Variants in MZT1 observed in about 807,000 individuals in gnomAD.
MZT1 encodes mitotic-spindle organizing protein 1.
Under a neutral mutation model 8.5 loss-of-function variants are expected in MZT1, and 8 were observed. The ratio of observed to expected loss-of-function variants is 0.94; its 90% CI spans 0.55 to 1.70. The LOEUF is 1.70. Ranked by LOEUF, MZT1 falls within the 40% of genes most tolerant of loss-of-function variation. The probability of loss-of-function intolerance (pLI) is 0.00; values close to 1 mark genes in which losing one functional copy is unlikely to be tolerated. For missense variants in MZT1, 93 were observed against 108.6 expected (o/e 0.86, Z 0.64); for synonymous variants, 38 against 42.0 (o/e 0.90, Z 0.37).
intron 2 of MZT1, among the ~76,000 whole-genome samples, chr13:72,712,715 TATTTTGCCTAA>T (rs1184778655): frequency 6.6e-6 from 1 of 152,244 alleles, no homozygotes; most frequent in East Asian, 1.9e-4. Flanking sequence ...TCGTAGCTTA[TATTTTGCCTAA>T]GAAAATGCTA....
chr13:72,726,500 T>G (rs930545822), intron 1 of MZT1, among the ~76,000 whole-genome samples: 7 of 152,106 alleles, frequency 4.6e-5, no homozygotes, highest in African/African-American at 1.7e-4. Flanking sequence ...TAGGGTTATC[T>G]TTTAACAGAG....
intron 2 of MZT1, among the ~76,000 whole-genome samples, chr13:72,711,556 AC>A (rs1479557565): frequency 1.3e-5 from 2 of 152,204 alleles, no homozygotes; most frequent in East Asian, 3.8e-4. Context: ...ATTTCAAGAT[AC>A]CCTTGATTTG....
At chr13:72,726,756 A>C (rs982615450) in intron 1 of MZT1, among the ~76,000 whole-genome samples, 2 of 151,394 alleles carry the variant, frequency 1.3e-5, no homozygotes, top group African/African-American at 4.8e-5. Context: ...AAAAAAAAAA[A>C]AAAAAACTAA....
chr13:72,726,963 C>A (rs1005490753), intron 1 of MZT1, among the ~76,000 whole-genome samples: 7 of 152,142 alleles, frequency 4.6e-5, no homozygotes, highest in African/African-American at 1.4e-4. Context: ...ACTGGTGTCA[C>A]CCGCTTCAAG....
chr13:72,713,170 A>G (rs998023680), intron 2 of MZT1, among the ~76,000 whole-genome samples: 5 of 152,210 alleles, frequency 3.3e-5, no homozygotes, highest in Non-Finnish European at 7.3e-5. Context: ...TCTCAGGTCA[A>G]TCACTAACTG....
In MZT1 at chr13:72,710,297, A is replaced by G. The variant is rs1274517289; in HGVS notation, c.*25T>C. 1 of 1,612,106 alleles carries G rather than the reference A, an allele frequency of 6.2e-7. No individual in the cohort carries two copies. Among genetic ancestry groups the G allele is most frequent in the South Asian group, 1.1e-5 (1 of 91,012 alleles). ...CAAACCCTCTTGCAGAGCTTGACATATCTCATCAGAATTTCTCCAGAAAGT... is the reference window on the plus strand; with the variant it reads ...CAAACCCTCTTGCAGAGCTTGACATGTCTCATCAGAATTTCTCCAGAAAGT... On this transcript the variant is annotated 3_prime_UTR_variant, in exon 3 of 3. Transcript: ENST00000377818.
rs1235528206 is a variant in MZT1, at chr13:72,708,448, A to G, written c.*1874T>C. 1 of 152,600 alleles carries G rather than the reference A, an allele frequency of 6.6e-6. No homozygotes were observed. The highest frequency in any genetic ancestry group is 1.5e-5 in the Non-Finnish European group (1 of 68,026). 9.5% of individuals were successfully genotyped at this position (152,600 alleles called of 1,614,324 possible). A position where few individuals can be genotyped will look rare whatever the true frequency, so the allele number is the denominator to read the frequency against. ...ATCATTATTTTGTTTAGTTTCTTAAATATTACTTAAGTATGCATTAAAAAT... is the reference window on the plus strand; with the variant it reads ...ATCATTATTTTGTTTAGTTTCTTAAGTATTACTTAAGTATGCATTAAAAAT... On this transcript the variant is annotated 3_prime_UTR_variant, in exon 3 of 3. Coordinates refer to ENST00000377818, the MANE Select transcript of MZT1 (RefSeq NM_001071775.3).
rs1268120355 is a variant in MZT1, at chr13:72,710,180, C to T, written c.*142G>A. 1.2e-5 allele frequency: 9 copies of T among 729,234 alleles called. No homozygotes were observed. The East Asian group carries it at 2.4e-4, about 19-fold the overall frequency. 45.2% of individuals were successfully genotyped at this position (729,234 alleles called of 1,614,324 possible). On this transcript the variant is annotated 3_prime_UTR_variant, in exon 3 of 3. Coordinates refer to ENST00000377818, the MANE Select transcript of MZT1 (RefSeq NM_001071775.3). The stretch of plus-strand genomic sequence containing the variant: ...AGCCACTTTCCACTGATTTATAAAG[C>T]TATGGTTTTATAATTCTTTTAAAAA...
intron 1 of MZT1, among the ~76,000 whole-genome samples, chr13:72,724,241 C>A (rs73520421): frequency 0.02 from 3,099 of 152,112 alleles, 109 homozygotes; most frequent in African/African-American, 0.07. Flanking sequence ...GACTTTTTGG[C>A]TGAGTATCAA....
At chr13:72,716,365 T>A (rs1406009982) in intron 2 of MZT1, among the ~76,000 whole-genome samples, 1 of 152,116 alleles carries the variant, frequency 6.6e-6, no homozygotes, top group Non-Finnish European at 1.5e-5. Flanking sequence ...CAGTGATGGT[T>A]GCATGGATAT....
intron 2 of MZT1, among the ~76,000 whole-genome samples, chr13:72,713,973 T>C (rs1429074144): frequency 2.6e-5 from 4 of 152,212 alleles, no homozygotes; most frequent in African/African-American, 9.6e-5. Context: ...CTTTCTGCCA[T>C]ATGAAAGCCA....
At chr13:72,723,360 C>T (rs769921906) in intron 1 of MZT1, among the ~76,000 whole-genome samples, 1 of 152,166 alleles carries the variant, frequency 6.6e-6, no homozygotes, top group Non-Finnish European at 1.5e-5. Context: ...ATGATCAGTA[C>T]AGGTTGAACA....
intron 2 of MZT1, among the ~76,000 whole-genome samples, chr13:72,712,252 A>C (rs1263914019): frequency 2.6e-5 from 4 of 152,160 alleles, no homozygotes; most frequent in Non-Finnish European, 5.9e-5. Context: ...GCAGCCTCAA[A>C]TGCCTGAGCT....
At chr13:72,712,650 C>A (rs553116389) in intron 2 of MZT1, among the ~76,000 whole-genome samples, 3 of 152,288 alleles carry the variant, frequency 2.0e-5, no homozygotes, top group East Asian at 1.9e-4. Flanking sequence ...AACTAGTATG[C>A]TAAAAGCTGA....
chr13:72,724,765 C>T (rs1486949349), intron 1 of MZT1, among the ~76,000 whole-genome samples: 1 of 86,732 alleles, frequency 1.2e-5, no homozygotes, highest in Non-Finnish European at 2.5e-5. Context: ...TAAAGTGGTG[C>T]TACAGGCCGG....
intron 1 of MZT1, 138 bp downstream of exon 1, chr13:72,727,386 G>A (rs1246508967): frequency 2.3e-6 from 2 of 852,474 alleles, no homozygotes; most frequent in East Asian, 2.5e-5. Flanking sequence ...TGCGGCCCTG[G>A]CAGGTCCCTA....
chr13:72,726,132 C>T (rs139662318), intron 1 of MZT1, among the ~76,000 whole-genome samples: 1 of 151,080 alleles, frequency 6.6e-6, no homozygotes, highest in Non-Finnish European at 1.5e-5. Flanking sequence ...TCTGCAAGTG[C>T]TACATAAGAA....
rs781450978 is a variant in MZT1 at position 72,710,362 on chromosome 13, A to T, written c.226-17T>A. On this transcript the variant is annotated splice_polypyrimidine_tract_variant and intron_variant, in intron 2 of 2. Coordinates refer to ENST00000377818, the MANE Select transcript of MZT1 (RefSeq NM_001071775.3). ...TTCAGCAGCCTAGAACAAGAAAGTA[A>T]GATTCATTACAATAAAACCATGGAA... is the stretch of plus-strand genomic sequence containing the variant. The T allele has an allele frequency of 8.1e-6, 13 of 1,612,594 alleles. No homozygotes were observed. The highest frequency in any genetic ancestry group is 1.0e-5 in the Non-Finnish European group (12 of 1,178,914).
rs987306281 is a variant in MZT1 at position 72,708,901 on chromosome 13, G to A, written c.*1421C>T. On this transcript the variant is annotated 3_prime_UTR_variant, in exon 3 of 3. Coordinates refer to ENST00000377818, the MANE Select transcript of MZT1 (RefSeq NM_001071775.3). ...TTAATAAAACCACTTCAGCTTGTCT[G>A]AAAAACAAAAAATGCTAGTAAAGAG... is the stretch of plus-strand genomic sequence containing the variant. 7 of 150,036 alleles carry A rather than the reference G, an allele frequency of 4.7e-5. No homozygotes were observed. The highest frequency in any genetic ancestry group is 1.7e-4 in the African/African-American group (7 of 40,992). The allele number at this position is 150,036 out of a possible 1,614,324, so 9.3% of individuals were successfully genotyped here.
Sources: allele counts gnomAD v4.1 joint callset (sites outside exome capture counted in the v4.1 genomes callset), GRCh38; gene constraint gnomAD v4.1.1; transcripts MANE v1.5; gene names NCBI Gene and HGNC (gene_info 2026-07-23, HGNC 2026-07-21).